Variants in ZNRF1 observed in about 807,000 individuals in gnomAD.
ZNRF1 encodes E3 ubiquitin-protein ligase ZNRF1.
Under a neutral mutation model 18.4 loss-of-function variants are expected in ZNRF1, and 3 were observed. The observed-to-expected ratio is 0.16, with a 90% CI of 0.07 to 0.42. ZNRF1 has a LOEUF of 0.42. Ranked by LOEUF, ZNRF1 falls within the 10% of genes least tolerant of loss-of-function variation. The pLI is 0.99. For missense variants in ZNRF1, 310 were observed against 329.8 expected (o/e 0.94, Z 0.47); for synonymous variants, 157 against 144.2 (o/e 1.09, Z -0.64).
chr16:75,073,943 G>A (rs1367670340), intron 1 of ZNRF1, among the ~76,000 whole-genome samples: 1 of 152,002 alleles, frequency 6.6e-6, no homozygotes, highest in South Asian at 2.1e-4. Flanking sequence ...CTATTTTCTC[G>A]TAAATGTCAG....
intron 1 of ZNRF1, among the ~76,000 whole-genome samples, chr16:75,089,844 C>A (rs766813511): frequency 6.6e-6 from 1 of 152,290 alleles, no homozygotes; most frequent in South Asian, 2.1e-4. Context: ...ACTCAACTCC[C>A]CTCCTGCACT....
intron 1 of ZNRF1, among the ~76,000 whole-genome samples, chr16:75,079,207 C>T (rs1264013335): frequency 2.0e-5 from 3 of 152,122 alleles, no homozygotes; most frequent in Non-Finnish European, 4.4e-5. Context: ...GGGGGCCGGG[C>T]GCGGTGGCTC....
At chr16:75,047,772 A>G (rs912036959) in intron 1 of ZNRF1, among the ~76,000 whole-genome samples, 3 of 152,116 alleles carry the variant, frequency 2.0e-5, no homozygotes, top group Admixed American at 6.5e-5. Context: ...TGTACTACCA[A>G]CTGGGTAGCT....
At position 75,001,027 on chromosome 16, in the gene ZNRF1, A is replaced by G. The variant is rs1030274998; in HGVS notation, c.424+932A>G. On this transcript the variant is annotated intron_variant, in intron 1 of 4. Coordinates refer to ENST00000335325, the MANE Select transcript of ZNRF1 (RefSeq NM_032268.5). ...GGCAAAAAAGGCCTGGCAGGAGGAA[A>G]ACAGGTCTGTCTGCTAGGTCAGGCA... 5.6e-4 allele frequency among the ~76,000 whole-genome samples: 85 copies of G among 152,214 alleles called. 1 individual carries two copies. Among genetic ancestry groups the G allele is most frequent in the Non-Finnish European group, 1.3e-4 (9 of 68,042 alleles).
intron 2 of ZNRF1, 102 bp downstream of exon 2, chr16:75,093,769 T>G (rs1481721328): frequency 1.2e-6 from 1 of 860,382 alleles, no homozygotes; most frequent in Non-Finnish European, 1.9e-6. Context: ...GGCAGTATTT[T>G]CACCCTGCCC....
At chr16:75,032,633 A>G (rs79295288) in intron 1 of ZNRF1, among the ~76,000 whole-genome samples, 3,852 of 152,272 alleles carry the variant, frequency 0.025, 169 homozygotes, top group African/African-American at 0.088. Flanking sequence ...TGGGAGAAAA[A>G]TTTTGCAAAT....
chr16:75,050,917 G>A (rs2035591914), intron 1 of ZNRF1, among the ~76,000 whole-genome samples: 1 of 145,158 alleles, frequency 6.9e-6, no homozygotes, highest in South Asian at 2.2e-4. Context: ...TTGTAGCCAG[G>A]TACAGTGGCT....
intron 1 of ZNRF1, among the ~76,000 whole-genome samples, chr16:75,060,379 C>T (rs2035726536): frequency 6.6e-6 from 1 of 151,724 alleles, no homozygotes; most frequent in Admixed American, 6.6e-5. Context: ...GGTAGTCCCA[C>T]CTTGCCTGTG....
chr16:74,999,424 C>T lies in ZNRF1; in HGVS notation c.-248C>T, dbSNP rs970941125. 7 of 356,552 alleles carry T rather than the reference C, an allele frequency of 2.0e-5. No individual in the cohort carries two copies. The highest frequency in any genetic ancestry group is 3.0e-5 in the Non-Finnish European group (6 of 199,900). The allele number at this position is 356,552 out of a possible 1,614,324, so 22.1% of individuals were successfully genotyped here. ...CCGCGCCGGACTGCGCCTCTTTGGA[C>T]CTTGAGGGGAAACATGCGTTTGCCT... On this transcript the variant is annotated 5_prime_UTR_variant, in exon 1 of 5. Transcript: ENST00000335325.
At chr16:75,055,200 T>C (rs2035652987) in intron 1 of ZNRF1, among the ~76,000 whole-genome samples, 3 of 152,230 alleles carry the variant, frequency 2.0e-5, no homozygotes, top group African/African-American at 7.2e-5. Context: ...TTGCTCCCAT[T>C]TTAATGCTTT....
In ZNRF1 at chr16:75,108,370, G is replaced by A. The variant is rs1272814118; in HGVS notation, c.*670G>A. 1.0e-5 allele frequency: 4 copies of A among 386,846 alleles called. No individual in the cohort carries two copies. The highest frequency in any genetic ancestry group is 1.4e-5 in the Non-Finnish European group (3 of 220,196). The allele number at this position is 386,846 out of a possible 1,614,324, so 24.0% of individuals were successfully genotyped here. On this transcript the variant is annotated 3_prime_UTR_variant, in exon 5 of 5. Coordinates refer to ENST00000335325, the MANE Select transcript of ZNRF1 (RefSeq NM_032268.5). The stretch of plus-strand genomic sequence containing the variant: ...TTTTCCCTTCTTTCCTCCTGGTTCC[G>A]GTCAGTTCAGAGGATTTAACAATCA...
chr16:75,031,095 C>G (rs2035296761), intron 1 of ZNRF1, among the ~76,000 whole-genome samples: 1 of 151,496 alleles, frequency 6.6e-6, no homozygotes, highest in Admixed American at 6.6e-5. Context: ...CTCAGCCTCC[C>G]AAAGTGCTAG....
intron 1 of ZNRF1, among the ~76,000 whole-genome samples, chr16:75,063,933 G>A (rs1049437416): frequency 7.2e-5 from 11 of 152,202 alleles, no homozygotes; most frequent in African/African-American, 2.7e-4. Flanking sequence ...AGAATATGGA[G>A]CCAGTCTCCT....
chr16:75,056,417 G>A (rs2035668657), intron 1 of ZNRF1, among the ~76,000 whole-genome samples: 2 of 152,188 alleles, frequency 1.3e-5, no homozygotes, highest in African/African-American at 4.8e-5. Context: ...GTTTAAAAGT[G>A]AGGTATAAGA....
At chr16:75,019,335 T>C (rs889373257) in intron 1 of ZNRF1, among the ~76,000 whole-genome samples, 5 of 151,800 alleles carry the variant, frequency 3.3e-5, no homozygotes, top group Non-Finnish European at 7.4e-5. Flanking sequence ...TCACCATGCC[T>C]GGACAAAATA....
chr16:75,000,154 TCG>T, intron 1 of ZNRF1, 59 bp downstream of exon 1: 7 of 1,558,696 alleles, frequency 4.5e-6, no homozygotes, highest in Non-Finnish European at 6.1e-6. Context: ...CCCCAAGCCT[TCG>T]CGTGCGTGCC....
intron 1 of ZNRF1, among the ~76,000 whole-genome samples, chr16:75,034,795 T>A (rs775731608): frequency 6.6e-6 from 1 of 151,660 alleles, no homozygotes; most frequent in Non-Finnish European, 1.5e-5. Context: ...CCTGGCTAAT[T>A]TTTGTAATTT....
rs188661961 is a variant in ZNRF1 at position 75,046,047 on chromosome 16, C to A, written c.424+45952C>A. On this transcript the variant is annotated intron_variant, in intron 1 of 4. Transcript: ENST00000335325. ...CCTCCCAAGTAGCTGGGATTACAGG[C>A]ACGCACCACCATGCCTGGCTAATTT... 2.3e-3 allele frequency among the ~76,000 whole-genome samples: 352 copies of A among 151,724 alleles called. 1 individual carries two copies. The highest frequency in any genetic ancestry group is 8.2e-3 in the African/African-American group (337 of 41,332).
chr16:75,060,617 C>T (rs1213044083), intron 1 of ZNRF1, among the ~76,000 whole-genome samples: 2 of 151,478 alleles, frequency 1.3e-5, no homozygotes, highest in South Asian at 2.1e-4. Flanking sequence ...GCTGGTATTA[C>T]AGGCACACAC....
Sources: gnomAD v4.1 joint callset for allele counts (sites outside exome capture counted in the v4.1 genomes callset) on GRCh38, gnomAD v4.1.1 for gene constraint, MANE v1.5 for transcripts, NCBI Gene and HGNC (gene_info 2026-07-23, HGNC 2026-07-21) for gene names.